Variants in INTS6 observed in about 807,000 individuals in gnomAD.
INTS6 encodes integrator complex subunit 6, also known as DEAD box protein.
A neutral mutation model predicts 104.9 loss-of-function variants in INTS6; 16 were observed. That is an observed-to-expected ratio of 0.15 (90% CI 0.10 to 0.23). The LOEUF is 0.23. Among genes scored for constraint, INTS6 ranks in the 10% least tolerant of loss-of-function variants. The probability of loss-of-function intolerance (pLI) is 1.00; values close to 1 mark genes in which losing one functional copy is unlikely to be tolerated. For synonymous variants in INTS6, 324 were observed against 358.7 expected (o/e 0.90, Z 1.09); for missense variants, 584 against 1,062.8 (o/e 0.55, Z 6.26).
chr13:51,361,412 T>C (rs1955572623), downstream of INTS6: 4 of 1,174,708 alleles, frequency 3.4e-6, no homozygotes, highest in East Asian at 9.6e-5. Context: ...TATCTACCTT[T>C]CTGAAATTTA....
intron 16 of INTS6, 131 bp downstream of exon 16, chr13:51,368,808 T>G: frequency 1.1e-6 from 1 of 915,988 alleles, no homozygotes; most frequent in Non-Finnish European, 1.6e-6. Flanking sequence ...GGATCTTAAC[T>G]GAGATGTTGT....
At chr13:51,344,540 A>G in the INTS6 span, 2 of 1,381,472 alleles carry the variant, frequency 1.4e-6, no homozygotes, top group South Asian at 1.2e-5. Flanking sequence ...GCAGAGACAG[A>G]GTCTCACCCA....
chr13:51,406,701 T>C (rs1956573913), intron 4 of INTS6, among the ~76,000 whole-genome samples: 2 of 152,152 alleles, frequency 1.3e-5, no homozygotes, highest in Admixed American at 1.3e-4. Context: ...ATAATATTAC[T>C]CAGCATGGTC....
At chr13:51,341,079 C>T in the INTS6 span, 1 of 1,611,588 alleles carries the variant, frequency 6.2e-7, no homozygotes, top group Non-Finnish European at 8.5e-7. Flanking sequence ...TTGCAGGAAC[C>T]CTCCCAGCCT....
At chr13:51,444,914 T>C (rs1054666750) in intron 3 of INTS6, 2 of 151,860 alleles carry the variant, frequency 1.3e-5, no homozygotes, top group Admixed American at 1.3e-4. Flanking sequence ...AAATAAAATC[T>C]GGGTTTGGGG....
At chr13:51,379,262 T>C (rs909430542) in intron 11 of INTS6, among the ~76,000 whole-genome samples, 200 bp downstream of exon 11, 10 of 152,012 alleles carry the variant, frequency 6.6e-5, no homozygotes, top group African/African-American at 2.4e-4. Flanking sequence ...GGAATTATTA[T>C]ATAATTTTCA....
chr13:51,351,977 A>G (rs1039619197), downstream of INTS6, among the ~76,000 whole-genome samples: 1 of 152,120 alleles, frequency 6.6e-6, no homozygotes, highest in African/African-American at 2.4e-5. Flanking sequence ...CTGGACTTTC[A>G]ATTCTATCCT....
chr13:51,334,936 T>A, the INTS6 span, among the ~76,000 whole-genome samples: 4 of 136,252 alleles, frequency 2.9e-5, no homozygotes, highest in Non-Finnish European at 4.5e-5. Flanking sequence ...TGAGCTGAGA[T>A]CATGCCACTA....
intron 3 of INTS6, among the ~76,000 whole-genome samples, chr13:51,354,754 T>C (rs1358448024): frequency 6.6e-5 from 10 of 152,014 alleles, no homozygotes; most frequent in Admixed American, 6.6e-4. Context: ...ACAAAATAGC[T>C]GAAGAAAAGA....
chr13:51,376,509 TTTATATACCATAAAATCAC>T (rs1346984906), intron 12 of INTS6, among the ~76,000 whole-genome samples: 4 of 152,288 alleles, frequency 2.6e-5, no homozygotes, highest in African/African-American at 9.6e-5. Context: ...TGATGTGTAA[TTTATATACCATAAAATCAC>T]CTATTTTAAG....
chr13:51,428,645 C>T (rs1957029273), intron 4 of INTS6, among the ~76,000 whole-genome samples: 1 of 151,996 alleles, frequency 6.6e-6, no homozygotes, highest in African/African-American at 2.4e-5. Context: ...TTATTGCTTG[C>T]TTTTTATATA....
In INTS6 at chr13:51,369,054, G is replaced by T. The variant is rs1047112821; in HGVS notation, c.2361C>A (p.Asn787Lys). 1.2e-6 allele frequency: 2 copies of T among 1,613,736 alleles called. No homozygotes were observed. ...CTTTGTTGAGTGAAGATGCTGGTAT[G>T]TTCTCTTCAGCACATTGTTCTTTAT... ...PRDKEQCAEE[N>K]IPASSLNKGK... The change falls in exon 16 of 18, where the codon AAC (asparagine) becomes AAA (lysine). Residue 787 changes from asparagine to lysine, a missense_variant. Transcript: ENST00000311234.
At chr13:51,338,132 CACAA>C in the INTS6 span, among the ~76,000 whole-genome samples, 1 of 152,128 alleles carries the variant, frequency 6.6e-6, no homozygotes, top group African/African-American at 2.4e-5. Flanking sequence ...GTAGAAGTTA[CACAA>C]ACAACCTTTT....
At chr13:51,374,545 A>C in intron 14 of INTS6, 106 bp from the exon 15 acceptor site, 1 of 1,505,090 alleles carries the variant, frequency 6.6e-7, no homozygotes, top group South Asian at 1.2e-5. Context: ...CATATTTATT[A>C]GATACTCTAC....
At chr13:51,418,594 A>G (rs1956836676) in intron 4 of INTS6, among the ~76,000 whole-genome samples, 1 of 152,194 alleles carries the variant, frequency 6.6e-6, no homozygotes, top group Non-Finnish European at 1.5e-5. Context: ...GTTAGTTCCT[A>G]TTGTTACACT....
At chr13:51,351,739 T>C (rs1033226422), downstream of INTS6, among the ~76,000 whole-genome samples, 2 of 152,088 alleles carry the variant, frequency 1.3e-5, no homozygotes, top group Non-Finnish European at 2.9e-5. Flanking sequence ...AATTTAGGTG[T>C]ATGTTTTTTT....
At chr13:51,436,840 T>A (rs1163837938) in intron 3 of INTS6, 1 of 152,204 alleles carries the variant, frequency 6.6e-6, no homozygotes, top group Admixed American at 6.6e-5. Context: ...GTCTGGGGAA[T>A]GCCTAAAAAG....
At chr13:51,422,260 G>A (rs1053521822) in intron 4 of INTS6, among the ~76,000 whole-genome samples, 1 of 151,884 alleles carries the variant, frequency 6.6e-6, no homozygotes, top group African/African-American at 2.4e-5. Flanking sequence ...TATCCACATA[G>A]ATGCCCAAGT....
intron 3 of INTS6, chr13:51,355,121 A>T: frequency 6.5e-7 from 1 of 1,537,430 alleles, no homozygotes; most frequent in Non-Finnish European, 8.8e-7. Context: ...ATCCACTCAA[A>T]GCTAACTTGA....
Sources: allele counts gnomAD v4.1 joint callset (sites outside exome capture counted in the v4.1 genomes callset), GRCh38; gene constraint gnomAD v4.1.1; transcripts MANE v1.5; gene names NCBI Gene and HGNC (gene_info 2026-07-23, HGNC 2026-07-21).